KLHL2: variants seen among roughly 807,000 people sequenced by gnomAD.
KLHL2 encodes the protein kelch-like protein 2.
In KLHL2, 15 loss-of-function variants were observed where a neutral mutation model predicts 75.8. That is an observed-to-expected ratio of 0.20 (90% CI 0.13 to 0.30). The LOEUF is 0.30. Among genes scored for constraint, KLHL2 ranks in the 10% least tolerant of loss-of-function variants. The pLI, the probability that KLHL2 is intolerant of heterozygous loss-of-function variation, is 1.00. For missense variants in KLHL2, 381 were observed against 741.0 expected (o/e 0.51, Z 5.64); for synonymous variants, 214 against 251.9 (o/e 0.85, Z 1.42).
At chr4:165,270,716 C>T (rs772550498) in intron 5 of KLHL2, among the ~76,000 whole-genome samples, 1 of 152,168 alleles carries the variant, frequency 6.6e-6, no homozygotes, top group Non-Finnish European at 1.5e-5. Context: ...GGGGCACCCA[C>T]CTGTTTGAGG....
At chr4:165,277,762 C>CACACACAG (rs1743250980) in intron 5 of KLHL2, 4 of 587,526 alleles carry the variant, frequency 6.8e-6, no homozygotes, top group Non-Finnish European at 1.2e-5. Flanking sequence ...CACACACACA[C>CACACACAG]ACACACACAC....
Position 165,311,582 on chromosome 4 carries a change from C to G in KLHL2, c.1339+17C>G. The G allele has an allele frequency of 1.3e-6, 2 of 1,563,006 alleles. No homozygotes were observed. The highest frequency in any genetic ancestry group is 1.7e-4 in the Middle Eastern group (1 of 5,942). On this transcript the variant is annotated intron_variant, in intron 11 of 14. Transcript: ENST00000226725. ...TTGTTGGAGGTAGGTGTTGACAGTT[C>G]TTTCAGGTACATGTGGCATTTTGAT...
chr4:165,278,044 A>G lies in KLHL2; in HGVS notation c.544+14685A>G, dbSNP rs560054729. 2.0e-6 allele frequency: 3 copies of G among 1,526,150 alleles called. No homozygotes were observed. In the South Asian group the frequency reaches 3.4e-5, roughly 17 times the overall value. 94.5% of individuals were successfully genotyped at this position (1,526,150 alleles called of 1,614,324 possible). A position where few individuals can be genotyped will look rare whatever the true frequency, so the allele number is the denominator to read the frequency against. On this transcript the variant is annotated intron_variant, in intron 5 of 14. Coordinates refer to ENST00000226725, the MANE Select transcript of KLHL2 (RefSeq NM_007246.4). ...ACATTGCCATGCTACTCACTATAAAAAAGCCCAAGGGCAGACTACAGAAGA... is the reference window on the plus strand; with the variant it reads ...ACATTGCCATGCTACTCACTATAAAGAAGCCCAAGGGCAGACTACAGAAGA...
chr4:165,212,895 C>G (rs1332979082), intron 1 of KLHL2, among the ~76,000 whole-genome samples: 3 of 152,178 alleles, frequency 2.0e-5, no homozygotes, highest in Non-Finnish European at 4.4e-5. Flanking sequence ...CTAGCTCCAT[C>G]TATATCTTAA....
At chr4:165,299,763 C>T (rs1284575295) in intron 8 of KLHL2, 107 bp downstream of exon 8, 4 of 1,035,686 alleles carry the variant, frequency 3.9e-6, no homozygotes, top group Non-Finnish European at 5.5e-6. Flanking sequence ...TTTTAGTTTT[C>T]CTTCAAGAGA....
At chr4:165,246,520 G>A (rs1344413223) in intron 4 of KLHL2, among the ~76,000 whole-genome samples, 10 of 152,176 alleles carry the variant, frequency 6.6e-5, no homozygotes, top group Non-Finnish European at 1.0e-4. Context: ...CTTGGGCCTG[G>A]GTTGTTGGCG....
chr4:165,310,846 GT>G (rs1560829206), intron 10 of KLHL2, 96 bp downstream of exon 10: 3 of 832,552 alleles, frequency 3.6e-6, no homozygotes, highest in African/African-American at 1.9e-5. Context: ...CACATGTGAG[GT>G]TTTTTGTGTT....
In KLHL2 at chr4:165,234,695, G is replaced by A. The variant is rs28488397; in HGVS notation, c.260-4083G>A. The stretch of plus-strand genomic sequence containing the variant: ...AGTGGCATGATCTCAGCTCACTGCA[G>A]CCTCCGTCTCCCGGTTTCAAGCGAT... On this transcript the variant is annotated intron_variant, in intron 3 of 14. Coordinates refer to ENST00000226725, the MANE Select transcript of KLHL2 (RefSeq NM_007246.4). Among the ~76,000 whole-genome samples, 483 of 146,404 alleles carry A rather than the reference G, an allele frequency of 3.3e-3. 2 individuals are homozygous for A. The highest frequency in any genetic ancestry group is 0.012 in the African/African-American group (463 of 39,352).
chr4:165,311,340 T>C, intron 10 of KLHL2, 124 bp from the exon 11 acceptor site: 1 of 651,516 alleles, frequency 1.5e-6, no homozygotes, highest in South Asian at 2.2e-5. Context: ...TTGCTGTGTT[T>C]ATGTTCCACC....
At chr4:165,320,512 G>A (rs940324697) in intron 14 of KLHL2, among the ~76,000 whole-genome samples, 1 of 152,072 alleles carries the variant, frequency 6.6e-6, no homozygotes, top group Non-Finnish European at 1.5e-5. Flanking sequence ...TGGTCTACTT[G>A]CCCCTAAACA....
chr4:165,269,950 G>A (rs896656793), intron 5 of KLHL2, among the ~76,000 whole-genome samples: 4 of 151,992 alleles, frequency 2.6e-5, no homozygotes, highest in African/African-American at 9.7e-5. Context: ...TAACTCTCCG[G>A]TACACCAATC....
At chr4:165,220,318 A>G (rs1349628751) in intron 2 of KLHL2, among the ~76,000 whole-genome samples, 2 of 152,192 alleles carry the variant, frequency 1.3e-5, no homozygotes, top group African/African-American at 4.8e-5. Context: ...TGAAAAATAC[A>G]CAGGGGATTT....
intron 4 of KLHL2, among the ~76,000 whole-genome samples, chr4:165,253,884 C>A (rs1292771137): frequency 6.6e-6 from 1 of 152,132 alleles, no homozygotes; most frequent in Non-Finnish European, 1.5e-5. Context: ...ATGAGTATTG[C>A]ATTGTAAGGG....
At chr4:165,232,298 G>A (rs1738957086) in intron 3 of KLHL2, among the ~76,000 whole-genome samples, 3 of 151,780 alleles carry the variant, frequency 2.0e-5, no homozygotes, top group Non-Finnish European at 4.4e-5. Context: ...GTGGTGGCGG[G>A]CACCTGTAGT....
chr4:165,253,385 T>A (rs889773714), intron 4 of KLHL2, among the ~76,000 whole-genome samples: 1 of 152,212 alleles, frequency 6.6e-6, no homozygotes, highest in Non-Finnish European at 1.5e-5. Context: ...CCTAATACAA[T>A]GTAAATGCTG....
At chr4:165,251,255 T>C (rs1740679068) in intron 4 of KLHL2, among the ~76,000 whole-genome samples, 1 of 151,988 alleles carries the variant, frequency 6.6e-6, no homozygotes, top group Non-Finnish European at 1.5e-5. Context: ...AGAAATCAGT[T>C]ACCTTGATAT....
intron 2 of KLHL2, among the ~76,000 whole-genome samples, chr4:165,222,641 A>T (rs910483106): frequency 6.6e-6 from 1 of 152,216 alleles, no homozygotes; most frequent in Non-Finnish European, 1.5e-5. Flanking sequence ...TAAAAATGTC[A>T]TTCCCTTCCA....
At chr4:165,310,091 A>G (rs1746032145) in intron 9 of KLHL2, among the ~76,000 whole-genome samples, 1 of 152,196 alleles carries the variant, frequency 6.6e-6, no homozygotes, top group Non-Finnish European at 1.5e-5. Context: ...TAATCCCAGC[A>G]GTTTGGGAGG....
At chr4:165,318,028 A>C (rs1197712544) in intron 14 of KLHL2, 59 bp downstream of exon 14, 2 of 1,493,700 alleles carry the variant, frequency 1.3e-6, no homozygotes, top group Admixed American at 2.0e-5. Flanking sequence ...TATGAATGTT[A>C]TATTAACGAA....
Sources: allele counts gnomAD v4.1 joint callset (sites outside exome capture counted in the v4.1 genomes callset), GRCh38; gene constraint gnomAD v4.1.1; transcripts MANE v1.5; gene names NCBI Gene and HGNC (gene_info 2026-07-23, HGNC 2026-07-21).